The following MOB3C variants were observed in gnomAD, a reference collection of about 807,000 sequenced individuals.
MOB3C encodes MOB1, Mps One Binder kinase activator-like 2C.
Under a neutral mutation model 19.8 loss-of-function variants are expected in MOB3C, and 17 were observed. That is an observed-to-expected ratio of 0.86 (90% confidence interval 0.59 to 1.29). The LOEUF is 1.29. Among genes scored for constraint, MOB3C ranks in the 50% most tolerant of loss-of-function variants. The pLI, the probability that MOB3C is intolerant of heterozygous loss-of-function variation, is 0.00. For missense variants in MOB3C, 291 were observed against 301.9 expected (o/e 0.96, Z 0.27); for synonymous variants, 101 against 119.2 (o/e 0.85, Z 0.99).
Position 46,612,673 on chromosome 1 carries a change from AGAAAG to A in MOB3C, c.418+226_418+230del, listed in dbSNP as rs766954048. Among the ~76,000 whole-genome samples, 389 of 138,180 alleles carry A rather than the reference AGAAAG, an allele frequency of 2.8e-3. 5 individuals carry two copies. In the East Asian group the frequency reaches 0.029, roughly 10 times the overall value. The allele number at this position is 138,180 out of a possible 152,430, so 90.7% of individuals were successfully genotyped here. On this transcript the variant is annotated intron_variant, in intron 2 of 3. Coordinates refer to ENST00000319928, the MANE Select transcript of MOB3C (RefSeq NM_201403.3). ...TCTCAGAAAAGAAAAAAAAAAAAAA[AGAAAG>A]AAAGAAAGAAAAAGAAAAGAAAGAA...
rs757789714 is a variant in MOB3C, at chr1:46,613,254, G to T, written c.68C>A (p.Pro23Gln). 1.2e-6 allele frequency: 2 copies of T among 1,613,840 alleles called. No individual in the cohort carries two copies. Among genetic ancestry groups the T allele is most frequent in the Non-Finnish European group, 1.7e-6 (2 of 1,180,020 alleles). The change falls in exon 2 of 4, where the codon CCG becomes CAG. Residue 23 changes from proline (P) to glutamine (Q), a missense_variant. Transcript: ENST00000319928. ...KTFRPRKRFE[P>Q]GTQRFELYKK... Reference sequence around the variant, plus strand: ...GTACAGCTCAAAGCGCTGTGTGCCCGGCTCAAAGCGCTTCCGCGGCCGGAA... The same window carrying T: ...GTACAGCTCAAAGCGCTGTGTGCCCTGCTCAAAGCGCTTCCGCGGCCGGAA...
At chr1:46,616,366 G>C (rs1335046049) in intron 1 of MOB3C, 1 of 153,128 alleles carries the variant, frequency 6.5e-6, no homozygotes, top group Non-Finnish European at 1.5e-5. Context: ...CGCTCTCCTC[G>C]CGGCGCGCAG....
At position 46,613,073 on chromosome 1, in the gene MOB3C, A is replaced by G; in HGVS notation, c.249T>C (p.Ser83=). The change falls in exon 2 of 4, where the codon AGT becomes AGC. Residue 83 remains serine (S), a synonymous_variant. Coordinates refer to ENST00000319928, the MANE Select transcript of MOB3C (RefSeq NM_201403.3). Reference sequence around the variant, plus strand: ...CGGCCATGACCGGGCAGCTGGTCTCACTGCAGCGCTCCGCCATAGTGCCGT... The same window carrying G: ...CGGCCATGACCGGGCAGCTGGTCTCGCTGCAGCGCTCCGCCATAGTGCCGT... ...LIYGTMAERC[S]ETSCPVMAGG... The G allele has an allele frequency of 1.2e-6, 2 of 1,614,154 alleles. No homozygotes were observed. The highest frequency in any genetic ancestry group is 1.7e-6 in the Non-Finnish European group (2 of 1,179,996).
intron 2 of MOB3C, 76 bp downstream of exon 2, chr1:46,612,826 CAG>C: frequency 1.4e-6 from 2 of 1,394,276 alleles, no homozygotes; most frequent in East Asian, 2.4e-5. Flanking sequence ...CCCAACCCTG[CAG>C]AGTGTCTATA....
intron 1 of MOB3C, chr1:46,613,580 C>T (rs1336351729): frequency 3.4e-6 from 2 of 582,852 alleles, no homozygotes; most frequent in Non-Finnish European, 6.1e-6. Flanking sequence ...CCACAGTCCT[C>T]CCATCTTGCT....
intron 1 of MOB3C, 138 bp from the exon 2 acceptor site, chr1:46,613,509 A>G (rs1675510622): frequency 1.7e-5 from 14 of 827,188 alleles, no homozygotes; most frequent in Non-Finnish European, 2.4e-5. Context: ...CTAAGTCCTC[A>G]GCCCCTAGGT....
At chr1:46,613,529 C>T (rs1335241104) in intron 1 of MOB3C, 158 bp from the exon 2 acceptor site, 4 of 679,956 alleles carry the variant, frequency 5.9e-6, no homozygotes, top group East Asian at 2.7e-5. Flanking sequence ...TCCAGTGCCC[C>T]GCCCTCTTTC....
intron 1 of MOB3C, chr1:46,613,639 GGTGCCC>G: frequency 2.0e-6 from 1 of 496,500 alleles, no homozygotes; most frequent in Non-Finnish European, 3.6e-6. Context: ...GCTCTAAACA[GGTGCCC>G]CTCAGACTTG....
At chr1:46,612,039 G>A (rs1204063686) in intron 2 of MOB3C, among the ~76,000 whole-genome samples, 3 of 152,178 alleles carry the variant, frequency 2.0e-5, no homozygotes, top group Non-Finnish European at 4.4e-5. Context: ...TGTCATGCCT[G>A]CTCAGCTCCT....
chr1:46,612,669 AAAAAG>A (rs1392401636), intron 2 of MOB3C, among the ~76,000 whole-genome samples: 5 of 143,490 alleles, frequency 3.5e-5, no homozygotes, highest in African/African-American at 1.3e-4. Context: ...AAAAAAAAAA[AAAAAG>A]AAAGAAAGAA....
chr1:46,611,940 C>T lies in MOB3C; in HGVS notation c.418+964G>A, dbSNP rs917528351. ...GGCTTGACCACCCTGCCCCACCCAC[C>T]GCTGATCCACACAGCCTCTGCAGAG... On this transcript the variant is annotated intron_variant, in intron 2 of 3. Coordinates refer to ENST00000319928, the MANE Select transcript of MOB3C (RefSeq NM_201403.3). The surrounding 1 kb of genome is among the most constrained non-coding windows in gnomAD (Gnocchi z 4.1). 4.6e-5 allele frequency among the ~76,000 whole-genome samples: 7 copies of T among 151,760 alleles called. No individual in the cohort carries two copies. The highest frequency in any genetic ancestry group is 7.3e-5 in the African/African-American group (3 of 41,274).
intron 1 of MOB3C, 96 bp downstream of exon 1, chr1:46,616,615 C>A (rs1675566342): frequency 6.6e-6 from 1 of 152,348 alleles, no homozygotes; most frequent in South Asian, 2.1e-4. Flanking sequence ...GGACTCTCCT[C>A]CGGACTGTGC....
At chr1:46,614,933 C>T in intron 1 of MOB3C, 1 of 1,457,380 alleles carries the variant, frequency 6.9e-7, no homozygotes. Context: ...TAGAAACAGG[C>T]CATTCAGCAG....
Position 46,609,467 on chromosome 1 carries a change from C to G in MOB3C, c.*188G>C. ...TCTGTTTGCCTGCCTAGATGCTCTCCCCTTCTCCATCCACAAGCGGTCAGG... is the reference window on the plus strand; with the variant it reads ...TCTGTTTGCCTGCCTAGATGCTCTCGCCTTCTCCATCCACAAGCGGTCAGG... On this transcript the variant is annotated 3_prime_UTR_variant, in exon 4 of 4. Transcript: ENST00000319928. 1 of 705,190 alleles carries G rather than the reference C, an allele frequency of 1.4e-6. No homozygotes were observed. The highest frequency in any genetic ancestry group is 2.7e-5 in the East Asian group (1 of 36,942). The allele number at this position is 705,190 out of a possible 1,614,324, so 43.7% of individuals were successfully genotyped here.
chr1:46,609,234 T>TCACACACACA lies in MOB3C; in HGVS notation c.*411_*420dup. 4.2e-6 allele frequency: 1 copy of TCACACACACA among 240,318 alleles called. No homozygotes were observed. Among genetic ancestry groups the TCACACACACA allele is most frequent in the Non-Finnish European group, 8.3e-6 (1 of 120,966 alleles). 14.9% of individuals were successfully genotyped at this position (240,318 alleles called of 1,614,324 possible). The stretch of plus-strand genomic sequence containing the variant: ...TCACAGACACACCCCACAGTGAAAA[T>TCACACACACA]CACACACACACACACACACCCCGGC... On this transcript the variant is annotated 3_prime_UTR_variant, in exon 4 of 4. Coordinates refer to ENST00000319928, the MANE Select transcript of MOB3C (RefSeq NM_201403.3).
chr1:46,609,625 T>C lies in MOB3C; in HGVS notation c.*30A>G, dbSNP rs776977701. ...AGCCACCCTATGTTCAGATCGTCCA[T>C]CTGATGGCCAAAAAAGTCCAGACCT... On this transcript the variant is annotated 3_prime_UTR_variant, in exon 4 of 4. Transcript: ENST00000319928. The C allele has an allele frequency of 1.2e-6, 2 of 1,614,092 alleles. No homozygotes were observed. Among genetic ancestry groups the C allele is most frequent in the Non-Finnish European group, 1.7e-6 (2 of 1,180,004 alleles).
chr1:46,612,095 C>T (rs914095408), intron 2 of MOB3C, among the ~76,000 whole-genome samples: 2 of 152,194 alleles, frequency 1.3e-5, no homozygotes, highest in African/African-American at 4.8e-5. Context: ...TAAGCAGTGC[C>T]TGGGTGACAT....
In MOB3C at chr1:46,613,391, A is replaced by ATCATCT. The variant is rs770974479; in HGVS notation, c.-50-21_-50-20insAGATGA. 1 of 1,573,202 alleles carries ATCATCT rather than the reference A, an allele frequency of 6.4e-7. No individual in the cohort carries two copies. The highest frequency in any genetic ancestry group is 8.6e-7 in the Non-Finnish European group (1 of 1,165,484). On this transcript the variant is annotated intron_variant, in intron 1 of 3. Transcript: ENST00000319928. ...GATACCCTGCCAGGGACAAGGGCAT[A>ATCATCT]GGGGAGCTGGCGGTCAAGGCCTTAT...
intron 3 of MOB3C, 82 bp from the exon 4 acceptor site, chr1:46,609,766 C>G: frequency 6.4e-7 from 1 of 1,563,918 alleles, no homozygotes; most frequent in East Asian, 2.3e-5. Context: ...GGCCTAGCTG[C>G]TCTTCTGTCT....
Sources: allele counts gnomAD v4.1 joint callset (sites outside exome capture counted in the v4.1 genomes callset), GRCh38; gene constraint gnomAD v4.1.1; non-coding constraint Gnocchi (gnomAD v3.1); transcripts MANE v1.5; gene names NCBI Gene and HGNC (gene_info 2026-07-23, HGNC 2026-07-21).